The following TENM2 variants were observed in gnomAD, a reference collection of about 807,000 sequenced individuals.
The protein encoded by TENM2 is teneurin-2.
Under a neutral mutation model 245.2 loss-of-function variants are expected in TENM2, and 52 were observed. The observed-to-expected ratio is 0.21, with a 90% CI of 0.17 to 0.27. TENM2 has a LOEUF of 0.27. Ranked by LOEUF, TENM2 falls within the 10% of genes least tolerant of loss-of-function variation. TENM2 has a pLI of 1.00. For synonymous variants in TENM2, 1,363 were observed against 1,438.9 expected (o/e 0.95, Z 1.19); for missense variants, 3,046 against 3,666.8 (o/e 0.83, Z 4.37).
intron 2 of TENM2, among the ~76,000 whole-genome samples, chr5:167,726,353 G>T (rs1025596769): frequency 1.8e-4 from 27 of 152,236 alleles, no homozygotes; most frequent in African/African-American, 4.8e-4. Context: ...ATAATAGAAA[G>T]AAGTATTATT....
intron 3 of TENM2, among the ~76,000 whole-genome samples, chr5:167,888,627 T>C (rs945202043): frequency 1.3e-5 from 2 of 152,340 alleles, no homozygotes; most frequent in Non-Finnish European, 2.9e-5. Context: ...AAAACCAATG[T>C]AGTTAATATT....
intron 2 of TENM2, among the ~76,000 whole-genome samples, chr5:167,867,160 G>A (rs1331718039): frequency 6.6e-6 from 1 of 152,192 alleles, no homozygotes; most frequent in Non-Finnish European, 1.5e-5. Context: ...CTGCAGGTAA[G>A]GTGGGTTTGT....
At chr5:167,607,354 A>C (rs537675804) in intron 2 of TENM2, among the ~76,000 whole-genome samples, 4 of 152,328 alleles carry the variant, frequency 2.6e-5, no homozygotes, top group African/African-American at 9.6e-5. Context: ...AGAGAATCCA[A>C]AATCCAGGCT....
intron 1 of TENM2, among the ~76,000 whole-genome samples, chr5:167,328,904 G>T (rs543085031): frequency 6.6e-6 from 1 of 152,148 alleles, no homozygotes; most frequent in Non-Finnish European, 1.5e-5. Context: ...TTTTTGGCTT[G>T]TCTTCCCACT....
intron 2 of TENM2, among the ~76,000 whole-genome samples, chr5:167,698,692 T>TG (rs1757945299): frequency 8.9e-5 from 12 of 135,172 alleles, no homozygotes; most frequent in Admixed American, 8.4e-4. Context: ...TTTTTTTTTT[T>TG]TTTTTTTTTG....
the TENM2 span, among the ~76,000 whole-genome samples, chr5:167,237,071 T>C: frequency 5.3e-5 from 8 of 152,300 alleles, no homozygotes; most frequent in Middle Eastern, 3.4e-3. Flanking sequence ...CTGGGGATTT[T>C]CTGGATCAAC....
At chr5:167,982,432 T>C (rs975269821) in intron 4 of TENM2, among the ~76,000 whole-genome samples, 2 of 152,216 alleles carry the variant, frequency 1.3e-5, no homozygotes, top group Admixed American at 1.3e-4. Context: ...ATTTGAGATA[T>C]TGTGTTCATT....
chr5:167,033,176 A>G, the TENM2 span, among the ~76,000 whole-genome samples: 1 of 152,270 alleles, frequency 6.6e-6, no homozygotes. Context: ...CTGCAGAAAC[A>G]GCATTAAAGT....
chr5:167,803,021 T>C (rs2150958351), intron 2 of TENM2, among the ~76,000 whole-genome samples: 1 of 152,246 alleles, frequency 6.6e-6, no homozygotes, highest in Non-Finnish European at 1.5e-5. Flanking sequence ...CAGCAGAGAC[T>C]TGAGTGCAGA....
At chr5:167,605,001 A>C (rs1249628286) in intron 2 of TENM2, among the ~76,000 whole-genome samples, 1 of 152,192 alleles carries the variant, frequency 6.6e-6, no homozygotes, top group Non-Finnish European at 1.5e-5. Context: ...GGTTTGATCA[A>C]AGACTTGGAG....
In TENM2 at chr5:168,003,306, A is replaced by C. The variant is rs76824944; in HGVS notation, c.1186+10124A>C. Among the ~76,000 whole-genome samples the C allele has an allele frequency of 5.7e-3, 514 of 90,578 alleles. 2 individuals are homozygous for C. The highest frequency in any genetic ancestry group is 0.022 in the African/African-American group (299 of 13,844). 59.4% of individuals were successfully genotyped at this position (90,578 alleles called of 152,430 possible). ...TAAAATTACAAAGTTTTTAAGAAAA[A>C]ACACACACACACACACACACACACA... On this transcript the variant is annotated intron_variant, in intron 5 of 28. Coordinates refer to ENST00000518659, the Ensembl canonical transcript of TENM2.
chr5:167,631,389 T>C (rs1681919647), intron 2 of TENM2, among the ~76,000 whole-genome samples: 1 of 152,138 alleles, frequency 6.6e-6, no homozygotes, highest in Admixed American at 6.5e-5. Context: ...TGGAGTGTTC[T>C]CGGCAGAGAA....
intron 15 of TENM2, among the ~76,000 whole-genome samples, chr5:168,197,860 G>A (rs974095356): frequency 4.6e-5 from 7 of 152,070 alleles, no homozygotes; most frequent in Admixed American, 1.3e-4. Context: ...CTTAAGAAAC[G>A]AACAGAAATA....
At chr5:168,191,121 G>A (rs996640840) in intron 14 of TENM2, among the ~76,000 whole-genome samples, 6 of 152,158 alleles carry the variant, frequency 3.9e-5, no homozygotes, top group African/African-American at 1.4e-4. Context: ...AAGCCATTGT[G>A]CCACTGCATT....
intron 1 of TENM2, among the ~76,000 whole-genome samples, chr5:167,342,591 A>C (rs1758179848): frequency 1.5e-5 from 2 of 130,036 alleles, no homozygotes. Flanking sequence ...GCAGTGGCGC[A>C]ATCTCGGCTC....
chr5:167,774,333 G>T (rs1763614301), intron 2 of TENM2, among the ~76,000 whole-genome samples: 2 of 152,114 alleles, frequency 1.3e-5, no homozygotes, highest in South Asian at 4.2e-4. Context: ...TATGATGTAT[G>T]CCTATCTATC....
chr5:167,339,996 T>C (rs1310288870), intron 1 of TENM2, among the ~76,000 whole-genome samples: 4 of 152,220 alleles, frequency 2.6e-5, no homozygotes, highest in Non-Finnish European at 5.9e-5. Context: ...TATTTTGTTA[T>C]AGCAGCACAA....
At chr5:168,198,788 A>C (rs1562271532) in intron 15 of TENM2, 65 bp from the exon 18 acceptor site, 18 of 1,560,574 alleles carry the variant, frequency 1.2e-5, no homozygotes, top group Non-Finnish European at 1.6e-5. Context: ...GGGGAGGAGG[A>C]GAGGCATCCT....
At chr5:168,045,794 A>T (rs1259114240) in intron 5 of TENM2, among the ~76,000 whole-genome samples, 1 of 152,214 alleles carries the variant, frequency 6.6e-6, no homozygotes, top group Admixed American at 6.5e-5. Flanking sequence ...AGCTATCGTT[A>T]TCTTGAAGCC....
Sources: gnomAD v4.1 joint callset for allele counts (sites outside exome capture counted in the v4.1 genomes callset) on GRCh38, gnomAD v4.1.1 for gene constraint, MANE v1.5 for transcripts, NCBI Gene and HGNC (gene_info 2026-07-23, HGNC 2026-07-21) for gene names.